NINJ1: variants seen among roughly 807,000 people sequenced by gnomAD.
NINJ1 encodes ninjurin 1.
Under a neutral mutation model 12.7 loss-of-function variants are expected in NINJ1, and 6 were observed. That is an observed-to-expected ratio of 0.47 (90% confidence interval 0.26 to 0.93). The LOEUF is 0.93. Among genes scored for constraint, NINJ1 ranks in the 40% least tolerant of loss-of-function variants. The probability of loss-of-function intolerance (pLI) is 0.15; values close to 1 mark genes in which losing one functional copy is unlikely to be tolerated. For synonymous variants in NINJ1, 100 were observed against 96.0 expected (o/e 1.04, Z -0.25); for missense variants, 170 against 213.0 (o/e 0.80, Z 1.26).
rs1827943839 is a variant in NINJ1 at position 93,134,232 on chromosome 9, G to C, written c.-15C>G. ...CCCGAGTCCATGGTGCGGCCGCCCA[G>C]GCCGCCAGGATCCGGGCCTGAGCGC... On this transcript the variant is annotated 5_prime_UTR_variant, in exon 1 of 4. Transcript: ENST00000375446. 9.5e-6 allele frequency: 14 copies of C among 1,468,754 alleles called. No individual in the cohort carries two copies. Among genetic ancestry groups the C allele is most frequent in the Non-Finnish European group, 1.2e-5 (13 of 1,099,404 alleles). The allele number at this position is 1,468,754 out of a possible 1,614,324, so 91.0% of individuals were successfully genotyped here. A position where few individuals can be genotyped will look rare whatever the true frequency, so the allele number is the denominator to read the frequency against.
At chr9:93,131,753 G>A (rs180856947) in intron 1 of NINJ1, among the ~76,000 whole-genome samples, 5 of 152,216 alleles carry the variant, frequency 3.3e-5, no homozygotes, top group Admixed American at 6.5e-5. Flanking sequence ...GGCCACAGGG[G>A]CGCAGGGCAC....
Position 93,126,654 on chromosome 9 carries a change from T to C in NINJ1, c.76-16A>G. On this transcript the variant is annotated splice_polypyrimidine_tract_variant and intron_variant, in intron 1 of 3. Coordinates refer to ENST00000375446, the MANE Select transcript of NINJ1 (RefSeq NM_004148.4). ...AGCGGGCCGGCTGCAGGGAGGGGAA[T>C]GGTCAGCAAGGCGGGTGGGGGAGGG... The C allele has an allele frequency of 6.6e-7, 1 of 1,510,626 alleles. No individual in the cohort carries two copies. Among genetic ancestry groups the C allele is most frequent in the Non-Finnish European group, 9.0e-7 (1 of 1,114,628 alleles). The allele number at this position is 1,510,626 out of a possible 1,614,324, so 93.6% of individuals were successfully genotyped here.
Position 93,134,139 on chromosome 9 carries a change from T to A in NINJ1, c.75+4A>T, listed in dbSNP as rs780029410. 1 of 1,554,776 alleles carries A rather than the reference T, an allele frequency of 6.4e-7. No individual in the cohort carries two copies. Among genetic ancestry groups the A allele is most frequent in the Admixed American group, 1.9e-5 (1 of 52,268 alleles). ...ATCATGCAGCGGTGGGGGGAAGGTC[T>A]TACCGAGGCGTCCGGGGAGCCGGGT... On this transcript the variant is annotated splice_donor_region_variant and intron_variant, in intron 1 of 3. Coordinates refer to ENST00000375446, the MANE Select transcript of NINJ1 (RefSeq NM_004148.4).
intron 2 of NINJ1, 99 bp downstream of exon 2, chr9:93,126,311 G>T: frequency 9.6e-7 from 1 of 1,038,104 alleles, no homozygotes. Context: ...AGCTCCTTGA[G>T]AGCCAAGTGT....
rs780756237 is a variant in NINJ1, at chr9:93,126,689, C to T, written c.76-51G>A. The T allele has an allele frequency of 4.1e-6, 6 of 1,470,600 alleles. No homozygotes were observed. In the South Asian group the frequency reaches 7.5e-5, roughly 18 times the overall value. The allele number at this position is 1,470,600 out of a possible 1,614,324, so 91.1% of individuals were successfully genotyped here. ...GGCGGGTGGGGGAGGGGGGCAAGGG[C>T]TGTGCCTGAGTCGGGCTCTGGGGGT... On this transcript the variant is annotated intron_variant, in intron 1 of 3. Transcript: ENST00000375446.
chr9:93,128,911 C>T (rs779329838), intron 1 of NINJ1, among the ~76,000 whole-genome samples: 13 of 152,246 alleles, frequency 8.5e-5, no homozygotes, highest in Non-Finnish European at 1.9e-4. Context: ...CATATGCACA[C>T]GTACATAAAC....
chr9:93,126,244 A>AG (rs948236532), intron 2 of NINJ1, 166 bp downstream of exon 2: 81 of 493,316 alleles, frequency 1.6e-4, no homozygotes, highest in Admixed American at 6.1e-4. Flanking sequence ...GGGTGGGGGG[A>AG]GGGGGGGTGC....
intron 1 of NINJ1, among the ~76,000 whole-genome samples, chr9:93,128,149 C>A (rs148040071): frequency 2.0e-5 from 3 of 152,308 alleles, no homozygotes; most frequent in Admixed American, 1.3e-4. Context: ...CATGTGCGCA[C>A]AGGGACAGCC....
At chr9:93,131,956 G>T (rs867590642) in intron 1 of NINJ1, among the ~76,000 whole-genome samples, 1 of 152,186 alleles carries the variant, frequency 6.6e-6, no homozygotes, top group Non-Finnish European at 1.5e-5. Flanking sequence ...TGGGCAAAGC[G>T]CTGCCCTCTC....
chr9:93,128,577 G>C (rs1318622162), intron 1 of NINJ1, among the ~76,000 whole-genome samples: 2 of 152,236 alleles, frequency 1.3e-5, no homozygotes, highest in African/African-American at 4.8e-5. Flanking sequence ...CCCATCACAC[G>C]TGTGCTCCGC....
chr9:93,131,718 C>A (rs543798371), intron 1 of NINJ1, among the ~76,000 whole-genome samples: 50 of 152,370 alleles, frequency 3.3e-4, no homozygotes, highest in African/African-American at 1.2e-3. Context: ...AATCCCTGGA[C>A]ACTGATGGGG....
At position 93,134,150 on chromosome 9, in the gene NINJ1, T is replaced by C; in HGVS notation, c.68A>G (p.Asp23Gly). The C allele has an allele frequency of 6.4e-7, 1 of 1,556,674 alleles. No individual in the cohort carries two copies. Among genetic ancestry groups the C allele is most frequent in the Non-Finnish European group, 8.7e-7 (1 of 1,150,898 alleles). ...GTGGGGGGAAGGTCTTACCGAGGCGTCCGGGGAGCCGGGTGTGCCCGGAGG... is the reference window on the plus strand; with the variant it reads ...GTGGGGGGAAGGTCTTACCGAGGCGCCCGGGGAGCCGGGTGTGCCCGGAGG... ...GLPPGTPGSP[D>G]ASPARWGWRH... The change falls in exon 1 of 4, where the codon GAC (aspartate) becomes GGC (glycine). Residue 23 changes from aspartate to glycine, a missense_variant. Coordinates refer to ENST00000375446, the MANE Select transcript of NINJ1 (RefSeq NM_004148.4).
Position 93,126,420 on chromosome 9 carries a change from GA to G in NINJ1, c.293del (p.Leu98ProfsTer34). On this transcript the variant is annotated frameshift_variant, in exon 2 of 4. Coordinates refer to ENST00000375446, the MANE Select transcript of NINJ1 (RefSeq NM_004148.4). LOFTEE classifies it high-confidence loss of function. ...LVLQIGVGVLLIFLVKYDLNN... is the reference protein window; with the variant it reads ...LVLQIGVGVLXIFLVKYDLNN... ...CACCTGGGGACCTACCAAGGAAGAT[GA>G]GCAGCACCCCCACGCCGATCTGCAG... 1 of 1,612,976 alleles carries G rather than the reference GA, an allele frequency of 6.2e-7. No individual in the cohort carries two copies.
chr9:93,134,092 C>G, intron 1 of NINJ1, 51 bp downstream of exon 1: 1 of 1,404,434 alleles, frequency 7.1e-7, no homozygotes, highest in Non-Finnish European at 9.6e-7. Context: ...CGCGGCGCCC[C>G]GAAAGGACAG....
rs1827881705 is a variant in NINJ1, at chr9:93,130,730, G to A, written c.75+3413C>T. On this transcript the variant is annotated intron_variant, in intron 1 of 3. Coordinates refer to ENST00000375446, the MANE Select transcript of NINJ1 (RefSeq NM_004148.4). ...TTTTCCTTGATGCCTGGCTCTCACTGTTTTGAAAGACTCTGCCTCCCCGAC... is the reference window on the plus strand; with the variant it reads ...TTTTCCTTGATGCCTGGCTCTCACTATTTTGAAAGACTCTGCCTCCCCGAC... Among the ~76,000 whole-genome samples, 3 of 152,332 alleles carry A rather than the reference G, an allele frequency of 2.0e-5. No individual in the cohort carries two copies. The South Asian group carries it at 6.2e-4, about 32-fold the overall frequency.
intron 1 of NINJ1, among the ~76,000 whole-genome samples, chr9:93,133,306 G>A (rs73524733): frequency 6.6e-6 from 1 of 152,158 alleles, no homozygotes; most frequent in Non-Finnish European, 1.5e-5. Context: ...GCCATGGAGA[G>A]GCCTGGAAAA....
At chr9:93,126,093 G>A in intron 2 of NINJ1, 1 of 349,828 alleles carries the variant, frequency 2.9e-6, no homozygotes, top group Middle Eastern at 7.7e-4. Context: ...GTTACTTTGG[G>A]GGCTGAGGTG....
At chr9:93,132,740 C>A (rs1408707155) in intron 1 of NINJ1, among the ~76,000 whole-genome samples, 2 of 152,214 alleles carry the variant, frequency 1.3e-5, no homozygotes, top group Non-Finnish European at 2.9e-5. Flanking sequence ...GGGAACAAAT[C>A]CAACCCAATC....
intron 3 of NINJ1, among the ~76,000 whole-genome samples, chr9:93,123,172 C>T (rs935983168): frequency 2.0e-5 from 3 of 152,062 alleles, no homozygotes; most frequent in Non-Finnish European, 2.9e-5. Context: ...CTACGAGCAG[C>T]GGTCACTCGT....
Sources: allele counts gnomAD v4.1 joint callset (sites outside exome capture counted in the v4.1 genomes callset), GRCh38; gene constraint gnomAD v4.1.1; transcripts MANE v1.5; gene names NCBI Gene and HGNC (gene_info 2026-07-23, HGNC 2026-07-21).